Variants in EPM2A observed in about 807,000 individuals in gnomAD.
EPM2A encodes laforin.
Under a neutral mutation model 26.5 loss-of-function variants are expected in EPM2A, and 21 were observed. The ratio of observed to expected loss-of-function variants is 0.79; its 90% CI spans 0.56 to 1.14. The LOEUF (loss-of-function observed/expected upper bound fraction) is 1.14. Ranked by LOEUF, EPM2A falls within the 50% of genes most tolerant of loss-of-function variation. The pLI, the probability that EPM2A is intolerant of heterozygous loss-of-function variation, is 0.00. For missense variants in EPM2A, 458 were observed against 440.8 expected, an observed-to-expected ratio of 1.04 and a Z score of -0.35; for synonymous variants, 217 against 177.6, an observed-to-expected ratio of 1.22 and a Z score of -1.76.
chr6:145,658,922 C>T (rs1271476171), intron 2 of EPM2A, among the ~76,000 whole-genome samples: 2 of 151,772 alleles, frequency 1.3e-5, no homozygotes, highest in African/African-American at 4.8e-5. Flanking sequence ...TTTCATATAC[C>T]AATTCCAGAA....
intron 4 of EPM2A, among the ~76,000 whole-genome samples, chr6:145,475,355 C>A (rs950915270): frequency 2.0e-5 from 3 of 151,952 alleles, no homozygotes; most frequent in East Asian, 1.9e-4. Context: ...ACTCAGCAAA[C>A]AACAGGAACA....
chr6:145,613,864 T>C (rs557828470), intron 2 of EPM2A, among the ~76,000 whole-genome samples: 9 of 152,306 alleles, frequency 5.9e-5, no homozygotes, highest in African/African-American at 2.2e-4. Context: ...TTAAGGACCT[T>C]AGGGTCTTCA....
chr6:145,569,469 T>A (rs1233789068), intron 2 of EPM2A, among the ~76,000 whole-genome samples: 1 of 152,200 alleles, frequency 6.6e-6, no homozygotes, highest in Non-Finnish European at 1.5e-5. Flanking sequence ...GGCAAATGCA[T>A]CATAGGCAAG....
rs556714021 is a variant in EPM2A at position 145,609,943 on chromosome 6, G to A, written c.340+25302C>T. Among the ~76,000 whole-genome samples the A allele has an allele frequency of 8.5e-5, 13 of 152,216 alleles. No individual in the cohort carries two copies. The East Asian group carries it at 1.5e-3, about 18-fold the overall frequency. ...TTTTAAAAACATTTTTGGGCCAGGC[G>A]CAGTGGCTCATGCCTGTAATCCCAG... On this transcript the variant is annotated intron_variant, in intron 2 of 3. Coordinates refer to the EPM2A transcript ENST00000450221.
At chr6:145,646,893 G>A (rs184605711) in intron 2 of EPM2A, among the ~76,000 whole-genome samples, 51 of 152,098 alleles carry the variant, frequency 3.4e-4, no homozygotes, top group Non-Finnish European at 5.4e-4. Flanking sequence ...CAGGAATTGT[G>A]CCACAGCCAC....
At chr6:145,620,030 C>T (rs769952284) in intron 2 of EPM2A, among the ~76,000 whole-genome samples, 2 of 152,150 alleles carry the variant, frequency 1.3e-5, no homozygotes, top group Non-Finnish European at 2.9e-5. Flanking sequence ...TAATTAGCAT[C>T]GTTTAAACAC....
intron 1 of EPM2A, among the ~76,000 whole-genome samples, chr6:145,699,610 T>C (rs1236821349): frequency 2.0e-5 from 3 of 152,196 alleles, no homozygotes; most frequent in African/African-American, 4.8e-5. Context: ...TGAATAAGTA[T>C]GATTCAAGTT....
chr6:145,622,776 C>T (rs1164219314), downstream of EPM2A, among the ~76,000 whole-genome samples: 1 of 152,182 alleles, frequency 6.6e-6, no homozygotes, highest in Non-Finnish European at 1.5e-5. Flanking sequence ...CCAACTTCTA[C>T]ACTCCAGATC....
chr6:145,696,689 T>C (rs568889933), intron 1 of EPM2A, among the ~76,000 whole-genome samples: 4 of 151,308 alleles, frequency 2.6e-5, no homozygotes, highest in Admixed American at 6.6e-5. Context: ...GATAAGGAAG[T>C]TAGAATTTGG....
At chr6:145,401,054 G>A (rs1314116380) in intron 4 of EPM2A, among the ~76,000 whole-genome samples, 1 of 152,002 alleles carries the variant, frequency 6.6e-6, no homozygotes, top group South Asian at 2.1e-4. Flanking sequence ...ATTGAATAAA[G>A]TTCTTAATAC....
chr6:145,441,878 C>A (rs1312390106), intron 4 of EPM2A, among the ~76,000 whole-genome samples: 1 of 151,994 alleles, frequency 6.6e-6, no homozygotes, highest in Admixed American at 6.6e-5. Flanking sequence ...AACAACAAAA[C>A]AAAAACAAAA....
At chr6:145,621,543 T>C (rs544530067), downstream of EPM2A, among the ~76,000 whole-genome samples, 3 of 152,324 alleles carry the variant, frequency 2.0e-5, no homozygotes, top group African/African-American at 7.2e-5. Flanking sequence ...TGTACTGATT[T>C]ACATTCTCAC....
At chr6:145,624,843 C>T (rs906096207), downstream of EPM2A, among the ~76,000 whole-genome samples, 1 of 152,154 alleles carries the variant, frequency 6.6e-6, no homozygotes, top group Non-Finnish European at 1.5e-5. Flanking sequence ...TTTTACCACA[C>T]CTTAATGATG....
chr6:145,680,818 T>C (rs891914227), intron 2 of EPM2A, among the ~76,000 whole-genome samples: 1 of 152,098 alleles, frequency 6.6e-6, no homozygotes, highest in Admixed American at 6.5e-5. Context: ...TGGTTCCAAG[T>C]CTTTGCTATT....
At chr6:145,510,788 C>A (rs1278946263) in intron 2 of EPM2A, among the ~76,000 whole-genome samples, 2 of 151,774 alleles carry the variant, frequency 1.3e-5, no homozygotes, top group Admixed American at 1.3e-4. Context: ...AAATTCAGAC[C>A]AAAATGATCA....
At chr6:145,553,727 G>A (rs1780684782) in intron 2 of EPM2A, among the ~76,000 whole-genome samples, 1 of 151,500 alleles carries the variant, frequency 6.6e-6, no homozygotes, top group East Asian at 1.9e-4. Flanking sequence ...CAGCTGTTAA[G>A]AAGAGAAATA....
At chr6:145,383,555 C>T (rs1778218816) in exon 5 of EPM2A, 1 of 152,082 alleles carries the variant, frequency 6.6e-6, no homozygotes. Flanking sequence ...CTTGTGAGAA[C>T]TCTATCACGA....
At chr6:145,644,001 G>A (rs1271486422) in intron 2 of EPM2A, among the ~76,000 whole-genome samples, 1 of 152,116 alleles carries the variant, frequency 6.6e-6, no homozygotes, top group Non-Finnish European at 1.5e-5. Context: ...GCATGTTCAC[G>A]AGCTCCCATG....
intron 1 of EPM2A, among the ~76,000 whole-genome samples, chr6:145,694,395 A>T (rs1440869068): frequency 3.3e-5 from 5 of 152,044 alleles, no homozygotes; most frequent in Admixed American, 3.3e-4. Flanking sequence ...AATAAAACGC[A>T]CAAAAAATCT....
Sources: allele counts gnomAD v4.1 joint callset (sites outside exome capture counted in the v4.1 genomes callset), GRCh38; gene constraint gnomAD v4.1.1; transcripts MANE v1.5; gene names NCBI Gene and HGNC (gene_info 2026-07-23, HGNC 2026-07-21).